The following MAPKAP1 variants were observed in gnomAD, a reference collection of about 807,000 sequenced individuals.
MAPKAP1 encodes the protein MAPK associated protein 1.
MAPKAP1 carries 20 observed loss-of-function variants against 65.7 expected under a neutral mutation model. The ratio of observed to expected loss-of-function variants is 0.30; its 90% CI spans 0.21 to 0.44. The LOEUF (loss-of-function observed/expected upper bound fraction) is 0.44, where lower values mean the gene tolerates loss of function less well. MAPKAP1 is among the 20% of genes least tolerant of loss of function. The pLI is 1.00. For missense variants in MAPKAP1, 423 were observed against 648.0 expected, an observed-to-expected ratio of 0.65 and a Z score of 3.77; for synonymous variants, 222 against 244.3, an observed-to-expected ratio of 0.91 and a Z score of 0.85.
chr9:125,666,558 C>T (rs1834345019), intron 3 of MAPKAP1, among the ~76,000 whole-genome samples: 1 of 152,140 alleles, frequency 6.6e-6, no homozygotes, highest in East Asian at 1.9e-4. Flanking sequence ...GTCCTAGCTC[C>T]TCAGGAGGTT....
intron 4 of MAPKAP1, among the ~76,000 whole-genome samples, chr9:125,597,913 T>C (rs772973986): frequency 1.7e-4 from 26 of 152,158 alleles, no homozygotes; most frequent in Admixed American, 1.0e-3. Context: ...TTTAATAACA[T>C]AGTAGGCAGA....
At chr9:125,702,214 T>C (rs1021648894) in intron 1 of MAPKAP1, among the ~76,000 whole-genome samples, 5 of 152,018 alleles carry the variant, frequency 3.3e-5, no homozygotes, top group South Asian at 2.1e-4. Flanking sequence ...CTAGGCAACA[T>C]AGATAGACAC....
intron 4 of MAPKAP1, among the ~76,000 whole-genome samples, chr9:125,616,025 A>G (rs183317002): frequency 6.6e-6 from 1 of 152,216 alleles, no homozygotes. Flanking sequence ...TGATATTAGC[A>G]CAGGAAAAAC....
At chr9:125,479,690 C>T (rs1299599327) in intron 9 of MAPKAP1, among the ~76,000 whole-genome samples, 9 of 152,134 alleles carry the variant, frequency 5.9e-5, no homozygotes, top group Admixed American at 5.9e-4. Context: ...GAACAGAGGC[C>T]ACTACCACCC....
In MAPKAP1 at chr9:125,468,048, A is replaced by G. The variant is rs146887680; in HGVS notation, c.1269T>C (p.Phe423=). 6 of 1,614,184 alleles carry G rather than the reference A, an allele frequency of 3.7e-6. No individual in the cohort carries two copies. In the East Asian group the frequency reaches 1.3e-4, roughly 36 times the overall value. The change falls in exon 10 of 12, where the codon TTT becomes TTC. Residue 423 remains phenylalanine, a synonymous_variant. Transcript: ENST00000265960. The part of the protein sequence containing the change: ...PVTNQKASTK[F]WIKQKPISID... ...TTGAGATGGGTTTCTGCTTAATCCA[A>G]AACTTAGTGCTGGCTTTCTGATTCG...
intron 4 of MAPKAP1, among the ~76,000 whole-genome samples, chr9:125,589,595 G>T (rs1218905293): frequency 6.6e-6 from 1 of 152,188 alleles, no homozygotes; most frequent in South Asian, 2.1e-4. Flanking sequence ...CAATCATGCG[G>T]TTCCATCTTT....
rs1283209489 is a variant in MAPKAP1 at position 125,439,930 on chromosome 9, G to A, written c.1444-918C>T. Among the ~76,000 whole-genome samples the A allele has an allele frequency of 6.6e-6, 1 of 152,234 alleles. No individual in the cohort carries two copies. The highest frequency in any genetic ancestry group is 1.5e-5 in the Non-Finnish European group (1 of 68,026). Reference sequence around the variant, plus strand: ...TGTGGAGGAGGGAAGGCTTCCAGAGGAAAAGAGTGAGCGGGCTTTTGAGGG... The same window carrying A: ...TGTGGAGGAGGGAAGGCTTCCAGAGAAAAAGAGTGAGCGGGCTTTTGAGGG... On this transcript the variant is annotated intron_variant, in intron 11 of 11. Coordinates refer to ENST00000265960, the MANE Select transcript of MAPKAP1 (RefSeq NM_001006617.3). This position sits in a 1 kb window ranked among gnomAD's most constrained non-coding sequence, Gnocchi z 4.0.
At chr9:125,538,655 C>A (rs761957802) in intron 7 of MAPKAP1, among the ~76,000 whole-genome samples, 1 of 152,120 alleles carries the variant, frequency 6.6e-6, no homozygotes, top group Non-Finnish European at 1.5e-5. Flanking sequence ...TACTCCTAAA[C>A]TGTTCATAGC....
intron 1 of MAPKAP1, among the ~76,000 whole-genome samples, chr9:125,691,902 A>G (rs929805684): frequency 6.6e-6 from 1 of 152,244 alleles, no homozygotes; most frequent in African/African-American, 2.4e-5. Flanking sequence ...TGCTTGTAGA[A>G]TGAACCTGGC....
Position 125,437,435 on chromosome 9 carries a change from C to T in MAPKAP1, c.*1452G>A, listed in dbSNP as rs373137557. On this transcript the variant is annotated 3_prime_UTR_variant, in exon 12 of 12. Transcript: ENST00000265960. ...TTTTATTTTAATATCATTTTAATAT[C>T]GAATATGTCACAAGATTTAATGACC... 6.6e-6 allele frequency: 1 copy of T among 152,420 alleles called. No individual in the cohort carries two copies. Among genetic ancestry groups the T allele is most frequent in the Non-Finnish European group, 1.5e-5 (1 of 68,032 alleles). 9.4% of individuals were successfully genotyped at this position (152,420 alleles called of 1,614,324 possible). A position where few individuals can be genotyped will look rare whatever the true frequency, so the allele number is the denominator to read the frequency against.
At chr9:125,626,922 AGTAC>A (rs1833135395) in intron 4 of MAPKAP1, among the ~76,000 whole-genome samples, 1 of 152,256 alleles carries the variant, frequency 6.6e-6, no homozygotes, top group African/African-American at 2.4e-5. Context: ...TTTAATTATC[AGTAC>A]AATCTTATAA....
At chr9:125,659,521 T>C (rs1340985749) in intron 3 of MAPKAP1, among the ~76,000 whole-genome samples, 1 of 152,148 alleles carries the variant, frequency 6.6e-6, no homozygotes, top group Non-Finnish European at 1.5e-5. Context: ...TGCTCTTCTA[T>C]CTGCCTGTCC....
intron 8 of MAPKAP1, among the ~76,000 whole-genome samples, chr9:125,491,513 A>G (rs1361643616): frequency 6.6e-6 from 1 of 152,082 alleles, no homozygotes; most frequent in Non-Finnish European, 1.5e-5. Context: ...ATGGTGGCTC[A>G]CCCCTGTAAT....
intron 1 of MAPKAP1, among the ~76,000 whole-genome samples, chr9:125,691,442 A>AT (rs1445862220): frequency 1.3e-5 from 2 of 152,176 alleles, no homozygotes; most frequent in South Asian, 2.1e-4. Context: ...TTCAGACACA[A>AT]TGAGCGGGCT....
At chr9:125,505,317 C>T (rs184659097) in intron 8 of MAPKAP1, among the ~76,000 whole-genome samples, 1 of 151,978 alleles carries the variant, frequency 6.6e-6, no homozygotes, top group Non-Finnish European at 1.5e-5. Flanking sequence ...CCCAGCTACT[C>T]GGGAGGCTGA....
chr9:125,637,413 TGAG>T (rs1041036855), intron 4 of MAPKAP1, among the ~76,000 whole-genome samples: 15 of 147,390 alleles, frequency 1.0e-4, no homozygotes, highest in African/African-American at 3.7e-4. Context: ...AAAAAAAAAA[TGAG>T]GAAATGGGCC....
chr9:125,689,751 A>AAAG (rs386416220), intron 1 of MAPKAP1, among the ~76,000 whole-genome samples: 4 of 149,364 alleles, frequency 2.7e-5, no homozygotes, highest in Non-Finnish European at 5.9e-5. Flanking sequence ...AAAAAAAAAA[A>AAAG]AAGAAGAAGA....
intron 1 of MAPKAP1, among the ~76,000 whole-genome samples, chr9:125,679,002 C>T (rs1434069308): frequency 2.4e-5 from 1 of 41,528 alleles, no homozygotes; most frequent in Non-Finnish European, 5.3e-5. Context: ...ATAATAAACA[C>T]AATTTTTTTT....
At chr9:125,479,988 T>C (rs2133023447) in intron 9 of MAPKAP1, among the ~76,000 whole-genome samples, 1 of 152,310 alleles carries the variant, frequency 6.6e-6, no homozygotes, top group Non-Finnish European at 1.5e-5. Flanking sequence ...ATAAATTATT[T>C]ACTCGTCTCA....
Sources: allele counts gnomAD v4.1 joint callset (sites outside exome capture counted in the v4.1 genomes callset), GRCh38; gene constraint gnomAD v4.1.1; non-coding constraint Gnocchi (gnomAD v3.1); transcripts MANE v1.5; gene names NCBI Gene and HGNC (gene_info 2026-07-23, HGNC 2026-07-21).